DMD: variants seen among roughly 807,000 people sequenced by gnomAD.
The protein encoded by DMD is mutant dystrophin.
A neutral mutation model predicts 330.1 loss-of-function variants in DMD; 63 were observed. The ratio of observed to expected loss-of-function variants is 0.19; its 90% confidence interval spans 0.16 to 0.24. DMD has a LOEUF of 0.24. Among genes scored for constraint, DMD ranks in the 10% least tolerant of loss-of-function variants. The pLI is 1.00. For synonymous variants in DMD, 1,223 were observed against 959.8 expected, an observed-to-expected ratio of 1.27 and a Z score of -5.07; for missense variants, 3,344 against 2,684.1, an observed-to-expected ratio of 1.25 and a Z score of -5.43.
chrX:32,197,151 T>C (rs2147669177), intron 44 of DMD, among the ~76,000 whole-genome samples: 1 of 110,768 alleles, frequency 9.0e-6, no homozygotes, highest in East Asian at 2.8e-4. Context: ...TATTAGCTTA[T>C]CTTCGGGTCC....
intron 60 of DMD, among the ~76,000 whole-genome samples, chrX:31,408,546 G>A (rs750696151): frequency 2.7e-5 from 3 of 110,196 alleles, no homozygotes; most frequent in Middle Eastern, 4.2e-3. Flanking sequence ...TTACAGGTAC[G>A]CACCATCATA....
At chrX:31,919,929 G>A (rs1285741345) in intron 47 of DMD, among the ~76,000 whole-genome samples, 1 of 112,043 alleles carries the variant, frequency 8.9e-6, no homozygotes, top group Non-Finnish European at 1.9e-5. Context: ...ACATCAAAGG[G>A]TGATAAACTC....
At chrX:31,192,012 T>G (rs1309078900) in intron 67 of DMD, among the ~76,000 whole-genome samples, 2 of 112,385 alleles carry the variant, frequency 1.8e-5, no homozygotes, top group African/African-American at 6.5e-5. Flanking sequence ...AGGAGAACGG[T>G]TAGTCAGGGT....
chrX:32,483,100 A>G (rs1171988758), intron 21 of DMD, among the ~76,000 whole-genome samples: 1 of 95,016 alleles, frequency 1.1e-5, no homozygotes, highest in Non-Finnish European at 2.1e-5. Context: ...ATTTCAAATT[A>G]ACAAAATCAA....
In DMD at chrX:31,261,400, C is replaced by T. The variant is rs1289448109; in HGVS notation, c.9225-384G>A. The T allele has an allele frequency of 4.7e-5, 9 of 192,275 alleles. No homozygotes were observed. In the East Asian group the frequency reaches 1.2e-3, roughly 25 times the overall value. 15.8% of individuals were successfully genotyped at this position (192,275 alleles called of 1,213,427 possible). On this transcript the variant is annotated intron_variant, in intron 62 of 78. Coordinates refer to ENST00000357033, the MANE Select transcript of DMD (RefSeq NM_004006.3). The stretch of plus-strand genomic sequence containing the variant: ...ACACCGACAACTGATTATTATTCAA[C>T]TCTGTCAAAGAGATACCGGACATTA...
intron 2 of DMD, among the ~76,000 whole-genome samples, chrX:32,927,600 T>G (rs1354422319): frequency 9.0e-6 from 1 of 111,311 alleles, no homozygotes; most frequent in Middle Eastern, 4.2e-3. Context: ...AAAAGTCTGT[T>G]AAGCAAATGC....
intron 9 of DMD, among the ~76,000 whole-genome samples, chrX:32,663,419 G>C (rs1031703304): frequency 3.4e-4 from 38 of 111,635 alleles, no homozygotes; most frequent in Non-Finnish European, 6.8e-4. Context: ...ACTTCAAATA[G>C]ATAATTTTTT....
chrX:32,345,394 C>A (rs2097760378), intron 39 of DMD, among the ~76,000 whole-genome samples: 1 of 111,229 alleles, frequency 9.0e-6, no homozygotes, highest in African/African-American at 3.3e-5. Flanking sequence ...TATTCAAGGG[C>A]ACTAAGATTA....
intron 44 of DMD, among the ~76,000 whole-genome samples, chrX:32,041,502 C>G (rs755210994): frequency 8.9e-6 from 1 of 112,204 alleles, no homozygotes; most frequent in East Asian, 2.8e-4. Flanking sequence ...TCTGAGTTAA[C>G]ATTGGGCTTA....
At chrX:31,150,529 T>C (rs2037284148) in intron 74 of DMD, among the ~76,000 whole-genome samples, 2 of 112,321 alleles carry the variant, frequency 1.8e-5, no homozygotes, top group Admixed American at 1.9e-4. Flanking sequence ...CAAAATAAGA[T>C]GACAGATTTC....
At chrX:31,305,999 G>GTTATATA (rs2055001957) in intron 62 of DMD, among the ~76,000 whole-genome samples, 1 of 112,141 alleles carries the variant, frequency 8.9e-6, no homozygotes, top group Admixed American at 9.5e-5. Flanking sequence ...TGTTGTTGTT[G>GTTATATA]TTTGAAATTG....
chrX:32,641,008 G>C (rs1008675466), intron 11 of DMD, among the ~76,000 whole-genome samples: 5 of 111,378 alleles, frequency 4.5e-5, no homozygotes, highest in African/African-American at 1.6e-4. Context: ...CCTCCAGCAA[G>C]CCAAACTGTC....
intron 4 of DMD, among the ~76,000 whole-genome samples, chrX:32,833,274 T>C (rs1445264700): frequency 9.0e-6 from 1 of 110,954 alleles, no homozygotes; most frequent in Non-Finnish European, 1.9e-5. Context: ...TCTTTGACAA[T>C]AAAGAATTGA....
intron 47 of DMD, among the ~76,000 whole-genome samples, chrX:31,926,575 C>A (rs1373157860): frequency 9.1e-6 from 1 of 110,255 alleles, no homozygotes; most frequent in Non-Finnish European, 1.9e-5. Flanking sequence ...ACTCGAGAGG[C>A]TGAGGCAGAA....
intron 45 of DMD, 27 bp from the exon 46 acceptor site, chrX:31,932,254 T>C (rs746072693): frequency 1.4e-5 from 15 of 1,101,996 alleles, no homozygotes; most frequent in South Asian, 7.7e-5. Context: ...AAAATTGTTA[T>C]TTTTTTTTCC....
At chrX:32,335,917 A>G (rs1034885426) in intron 41 of DMD, among the ~76,000 whole-genome samples, 12 of 105,562 alleles carry the variant, frequency 1.1e-4, no homozygotes, top group East Asian at 1.1e-3. Flanking sequence ...ACGTGTATAT[A>G]TGTATGTTAT....
intron 2 of DMD, among the ~76,000 whole-genome samples, chrX:32,968,114 C>T (rs1048902657): frequency 3.6e-5 from 4 of 112,095 alleles, no homozygotes; most frequent in Admixed American, 9.5e-5. Context: ...AAGTGTTCAT[C>T]AAATGTTCAT....
At chrX:31,310,533 CT>C (rs1270349936) in intron 62 of DMD, among the ~76,000 whole-genome samples, 1 of 102,736 alleles carries the variant, frequency 9.7e-6, no homozygotes. Flanking sequence ...AGAGATTTTT[CT>C]TTTCTTTCTT....
chrX:32,897,636 G>T lies in DMD; in HGVS notation c.94-47816C>A, dbSNP rs376980008. Reference sequence around the variant, plus strand: ...TTGTTATATAATACAAGTCGAAAAAGTTGGTATGCCCAAAGGCTTATCTGG... The same window carrying T: ...TTGTTATATAATACAAGTCGAAAAATTTGGTATGCCCAAAGGCTTATCTGG... On this transcript the variant is annotated intron_variant, in intron 2 of 78. Transcript: ENST00000357033. Among the ~76,000 whole-genome samples the T allele has an allele frequency of 2.7e-5, 3 of 112,317 alleles. No individual in the cohort carries two copies. In the East Asian group the frequency reaches 8.3e-4, roughly 31 times the overall value.
Sources: allele counts gnomAD v4.1 joint callset (sites outside exome capture counted in the v4.1 genomes callset), GRCh38; gene constraint gnomAD v4.1.1; transcripts MANE v1.5; gene names NCBI Gene and HGNC (gene_info 2026-07-23, HGNC 2026-07-21).